The following LIN52 variants were observed in gnomAD, a reference collection of about 807,000 sequenced individuals.
LIN52 encodes the protein lin-52 DREAM MuvB core complex component.
Under a neutral mutation model 18.5 loss-of-function variants are expected in LIN52, and 4 were observed. The observed-to-expected ratio is 0.22, with a 90% CI of 0.11 to 0.49. The LOEUF (loss-of-function observed/expected upper bound fraction) is 0.49. LIN52 is among the 20% of genes least tolerant of loss of function. The pLI, the probability that LIN52 is intolerant of heterozygous loss-of-function variation, is 0.97. For missense variants in LIN52, 102 were observed against 139.5 expected, an observed-to-expected ratio of 0.73 and a Z score of 1.35; for synonymous variants, 34 against 45.5, an observed-to-expected ratio of 0.75 and a Z score of 1.02.
intron 5 of LIN52, among the ~76,000 whole-genome samples, chr14:74,173,900 G>T (rs11849458): frequency 0.019 from 2,842 of 152,224 alleles, 89 homozygotes; most frequent in African/African-American, 0.065. Flanking sequence ...GTTCTCTTGC[G>T]AGAACAAAGC....
intron 5 of LIN52, among the ~76,000 whole-genome samples, chr14:74,145,575 G>A (rs62005157): frequency 1.3e-5 from 2 of 152,196 alleles, no homozygotes; most frequent in Non-Finnish European, 2.9e-5. Flanking sequence ...TGATGACAAT[G>A]AAAGTGTGGC....
chr14:74,155,106 C>G (rs2061194014), intron 5 of LIN52, among the ~76,000 whole-genome samples: 1 of 152,246 alleles, frequency 6.6e-6, no homozygotes, highest in Admixed American at 6.5e-5. Flanking sequence ...GTGTATGTCT[C>G]TGGCTCTTTG....
chr14:74,153,190 A>T (rs1286310926), intron 5 of LIN52, among the ~76,000 whole-genome samples: 1 of 152,200 alleles, frequency 6.6e-6, no homozygotes, highest in African/African-American at 2.4e-5. Context: ...TTTCTTGAAG[A>T]TTCAGACAAG....
At chr14:74,189,048 G>A (rs1399156811) in intron 5 of LIN52, among the ~76,000 whole-genome samples, 1 of 152,138 alleles carries the variant, frequency 6.6e-6, no homozygotes, top group Non-Finnish European at 1.5e-5. Context: ...TATCTATACT[G>A]TGATCCTGGT....
chr14:74,142,779 ATC>A (rs2061137091), intron 5 of LIN52, among the ~76,000 whole-genome samples: 1 of 147,480 alleles, frequency 6.8e-6, no homozygotes, highest in South Asian at 2.3e-4. Context: ...AAACGGAAGA[ATC>A]TGAAACAGAC....
rs904127299 is a variant in LIN52, at chr14:74,199,243, G to A, written c.*266G>A. On this transcript the variant is annotated 3_prime_UTR_variant, in exon 6 of 6. Coordinates refer to ENST00000555028, the MANE Select transcript of LIN52 (RefSeq NM_001024674.3). ...CCTCGGATATTGGTAACAGCTGAGGGCATATCATTCTTAAAGGTCGAAGTC... is the reference window on the plus strand; with the variant it reads ...CCTCGGATATTGGTAACAGCTGAGGACATATCATTCTTAAAGGTCGAAGTC... 1.5e-5 allele frequency: 5 copies of A among 341,518 alleles called. No individual in the cohort carries two copies. Among genetic ancestry groups the A allele is most frequent in the Admixed American group, 1.4e-4 (3 of 21,124 alleles). The allele number at this position is 341,518 out of a possible 1,614,324, so 21.2% of individuals were successfully genotyped here.
chr14:74,158,306 T>G (rs8004425), intron 5 of LIN52, among the ~76,000 whole-genome samples: 67,503 of 151,238 alleles, frequency 0.45, 16,138 homozygotes, highest in Non-Finnish European at 0.53. Flanking sequence ...AGAGATGGAG[T>G]TTCACCATGT....
chr14:74,090,931 A>C (rs2060768791), intron 1 of LIN52, among the ~76,000 whole-genome samples: 1 of 152,158 alleles, frequency 6.6e-6, no homozygotes, highest in Non-Finnish European at 1.5e-5. Context: ...GAAACACTTA[A>C]TTCATTGTAA....
chr14:74,135,679 G>A (rs2061093494), intron 5 of LIN52, among the ~76,000 whole-genome samples: 1 of 152,122 alleles, frequency 6.6e-6, no homozygotes, highest in Non-Finnish European at 1.5e-5. Flanking sequence ...ATTATCTGTG[G>A]TTTTAATTCC....
chr14:74,116,661 A>G (rs917850355), intron 5 of LIN52, among the ~76,000 whole-genome samples: 1 of 151,528 alleles, frequency 6.6e-6, no homozygotes, highest in Non-Finnish European at 1.5e-5. Flanking sequence ...AGCTGCCAAG[A>G]TTGTGCCACT....
intron 5 of LIN52, among the ~76,000 whole-genome samples, chr14:74,166,568 A>G (rs2061250849): frequency 6.6e-6 from 1 of 152,158 alleles, no homozygotes; most frequent in Non-Finnish European, 1.5e-5. Context: ...GTGTCATGAA[A>G]TCTGTGTGCC....
intron 5 of LIN52, among the ~76,000 whole-genome samples, chr14:74,129,994 G>A (rs571830634): frequency 8.6e-4 from 131 of 152,156 alleles, no homozygotes; most frequent in African/African-American, 2.8e-3. Flanking sequence ...CATGGATGGC[G>A]GCAGGCAAAA....
intron 4 of LIN52, among the ~76,000 whole-genome samples, chr14:74,100,080 G>C (rs2060842888): frequency 6.6e-6 from 1 of 152,186 alleles, no homozygotes; most frequent in South Asian, 2.1e-4. Flanking sequence ...TCTAAACTTA[G>C]GGAAATGGGG....
chr14:74,118,488 G>A (rs772177408), intron 5 of LIN52, among the ~76,000 whole-genome samples: 15 of 152,104 alleles, frequency 9.9e-5, no homozygotes, highest in Non-Finnish European at 1.8e-4. Context: ...GATACAGAAC[G>A]TTGCGCCTGG....
chr14:74,168,720 G>C (rs1181776772), intron 5 of LIN52, among the ~76,000 whole-genome samples: 2 of 151,796 alleles, frequency 1.3e-5, no homozygotes, highest in Admixed American at 1.3e-4. Flanking sequence ...TAGAGTAAAA[G>C]GAAACATACT....
intron 2 of LIN52, among the ~76,000 whole-genome samples, chr14:74,093,793 C>T (rs946531041): frequency 1.1e-4 from 17 of 152,092 alleles, no homozygotes; most frequent in African/African-American, 3.9e-4. Flanking sequence ...TGGCGAAACC[C>T]CGTTTCTACT....
chr14:74,088,642 C>T (rs1055474272), intron 1 of LIN52, among the ~76,000 whole-genome samples: 2 of 152,086 alleles, frequency 1.3e-5, no homozygotes, highest in Non-Finnish European at 2.9e-5. Flanking sequence ...ATTAAAATGC[C>T]ATTGGAAATT....
chr14:74,160,672 C>G (rs1341785336), intron 5 of LIN52, among the ~76,000 whole-genome samples: 1 of 152,190 alleles, frequency 6.6e-6, no homozygotes, highest in African/African-American at 2.4e-5. Flanking sequence ...CTACTAAACA[C>G]TAACTAACTT....
At chr14:74,089,828 C>G (rs1408872044) in intron 1 of LIN52, among the ~76,000 whole-genome samples, 1 of 152,064 alleles carries the variant, frequency 6.6e-6, no homozygotes, top group Non-Finnish European at 1.5e-5. Context: ...GGGGAGTTCC[C>G]TAACCGCAGG....
Sources: gnomAD v4.1 joint callset for allele counts (sites outside exome capture counted in the v4.1 genomes callset) on GRCh38, gnomAD v4.1.1 for gene constraint, MANE v1.5 for transcripts, NCBI Gene and HGNC (gene_info 2026-07-23, HGNC 2026-07-21) for gene names.